Variants in STARD13 observed in about 807,000 individuals in gnomAD.
The protein encoded by STARD13 is StAR related lipid transfer domain containing 13.
Under a neutral mutation model 106.4 loss-of-function variants are expected in STARD13, and 62 were observed. That is an observed-to-expected ratio of 0.58 (90% CI 0.48 to 0.72). The LOEUF (loss-of-function observed/expected upper bound fraction) is 0.72, where lower values mean the gene tolerates loss of function less well. Among genes scored for constraint, STARD13 ranks in the 30% least tolerant of loss-of-function variants. The pLI is 0.00. For missense variants in STARD13, 1,387 were observed against 1,424.0 expected, an observed-to-expected ratio of 0.97 and a Z score of 0.42; for synonymous variants, 565 against 553.0, an observed-to-expected ratio of 1.02 and a Z score of -0.31.
chr13:33,368,369 C>T, the STARD13 span, among the ~76,000 whole-genome samples: 1 of 152,196 alleles, frequency 6.6e-6, no homozygotes, highest in Admixed American at 6.5e-5. Context: ...TGTTGGGTAC[C>T]TTCTATGTAC....
At chr13:33,313,991 T>A (rs1316742421) in intron 1 of STARD13, among the ~76,000 whole-genome samples, 2 of 152,216 alleles carry the variant, frequency 1.3e-5, no homozygotes, top group African/African-American at 4.8e-5. Context: ...GGTACTTTCA[T>A]CCTTTTCCAT....
intron 1 of STARD13, among the ~76,000 whole-genome samples, chr13:33,229,836 G>A (rs755408172): frequency 6.6e-6 from 1 of 152,236 alleles, no homozygotes; most frequent in African/African-American, 2.4e-5. Flanking sequence ...GAGGCACACA[G>A]AGCTCACATT....
chr13:33,636,219 T>C, the STARD13 span, among the ~76,000 whole-genome samples: 1 of 150,248 alleles, frequency 6.7e-6, no homozygotes, highest in Non-Finnish European at 1.5e-5. Flanking sequence ...AAATGCTCAG[T>C]ATATGGTAGT....
chr13:33,244,459 A>G (rs1202900739), intron 1 of STARD13, among the ~76,000 whole-genome samples: 3 of 152,096 alleles, frequency 2.0e-5, no homozygotes, highest in African/African-American at 7.2e-5. Context: ...TACTGCTGCG[A>G]TAATTCCTCA....
At chr13:33,254,754 G>T (rs1445254919) in intron 1 of STARD13, among the ~76,000 whole-genome samples, 3 of 152,156 alleles carry the variant, frequency 2.0e-5, no homozygotes, top group Admixed American at 6.5e-5. Flanking sequence ...TTTGGCTGGG[G>T]GTGGTCAGAG....
chr13:33,338,025 A>T (rs1180947475), intron 1 of STARD13, among the ~76,000 whole-genome samples: 1 of 152,218 alleles, frequency 6.6e-6, no homozygotes, highest in Admixed American at 6.5e-5. Context: ...AGGAGTTTGC[A>T]GGCTCCGGAC....
chr13:33,300,693 T>A (rs1242894930), intron 1 of STARD13, among the ~76,000 whole-genome samples: 1 of 152,238 alleles, frequency 6.6e-6, no homozygotes, highest in African/African-American at 2.4e-5. Flanking sequence ...GCCTTCTATT[T>A]GTTTAGTATA....
the STARD13 span, among the ~76,000 whole-genome samples, chr13:33,536,982 A>C: frequency 2.0e-5 from 3 of 152,250 alleles, no homozygotes; most frequent in Admixed American, 6.5e-5. Context: ...ACATTAAATA[A>C]ACTTTTTAAT....
the STARD13 span, among the ~76,000 whole-genome samples, chr13:33,673,006 T>A: frequency 2.0e-4 from 31 of 152,360 alleles, no homozygotes; most frequent in African/African-American, 7.2e-4. Context: ...AGCATATGCA[T>A]AAGTTCCTTT....
the STARD13 span, among the ~76,000 whole-genome samples, chr13:33,527,475 T>C: frequency 6.6e-6 from 1 of 152,082 alleles, no homozygotes; most frequent in African/African-American, 2.4e-5. Flanking sequence ...AATTATGAAT[T>C]ATAGAAAACC....
At chr13:33,320,738 G>C (rs1032685786) in intron 1 of STARD13, among the ~76,000 whole-genome samples, 1 of 152,168 alleles carries the variant, frequency 6.6e-6, no homozygotes, top group African/African-American at 2.4e-5. Context: ...TGGATACTGA[G>C]GAGGGGAGGA....
At chr13:33,491,636 A>G in the STARD13 span, among the ~76,000 whole-genome samples, 2 of 152,160 alleles carry the variant, frequency 1.3e-5, no homozygotes, top group African/African-American at 4.8e-5. Flanking sequence ...ACTTCTCATA[A>G]AAAAATGGTT....
intron 1 of STARD13, among the ~76,000 whole-genome samples, chr13:33,253,440 A>G (rs931266764): frequency 1.3e-5 from 2 of 152,234 alleles, no homozygotes; most frequent in African/African-American, 2.4e-5. Flanking sequence ...GAAAAACACA[A>G]TTACCCCAAA....
chr13:33,663,305 C>T, the STARD13 span, among the ~76,000 whole-genome samples: 1 of 151,942 alleles, frequency 6.6e-6, no homozygotes, highest in Admixed American at 6.6e-5. Context: ...TTTAAAGATA[C>T]TTAAAAGATC....
At chr13:33,463,733 G>T in the STARD13 span, among the ~76,000 whole-genome samples, 1 of 152,134 alleles carries the variant, frequency 6.6e-6, no homozygotes, top group East Asian at 1.9e-4. Flanking sequence ...ATATGCATAG[G>T]CTGGGTGCAG....
chr13:33,324,951 C>T (rs2077756835), intron 1 of STARD13, among the ~76,000 whole-genome samples: 1 of 152,070 alleles, frequency 6.6e-6, no homozygotes, highest in Admixed American at 6.6e-5. Flanking sequence ...TTTCTATTGC[C>T]CTGTGTTTAC....
the STARD13 span, among the ~76,000 whole-genome samples, chr13:33,455,425 T>A: frequency 6.6e-6 from 1 of 152,160 alleles, no homozygotes; most frequent in Non-Finnish European, 1.5e-5. Context: ...TATTACCTTT[T>A]ACACCCAGAA....
At chr13:33,213,190 A>C (rs1021221198) in intron 1 of STARD13, among the ~76,000 whole-genome samples, 3 of 152,232 alleles carry the variant, frequency 2.0e-5, no homozygotes, top group Non-Finnish European at 4.4e-5. Context: ...GTACAGTTTG[A>C]AAATGTCGGC....
chr13:33,214,548 G>T (rs573881458), intron 1 of STARD13, among the ~76,000 whole-genome samples: 2 of 152,120 alleles, frequency 1.3e-5, no homozygotes, highest in African/African-American at 4.8e-5. Context: ...AGGAACATCC[G>T]CGCCGAGTGA....
Sources: allele counts gnomAD v4.1 joint callset (sites outside exome capture counted in the v4.1 genomes callset), GRCh38; gene constraint gnomAD v4.1.1; transcripts MANE v1.5; gene names NCBI Gene and HGNC (gene_info 2026-07-23, HGNC 2026-07-21).